Variants in GRIP1 observed in about 807,000 individuals in gnomAD.
The protein encoded by GRIP1 is glutamate receptor-interacting protein 1.
Under a neutral mutation model 129.9 loss-of-function variants are expected in GRIP1, and 45 were observed. That is an observed-to-expected ratio of 0.35 (90% CI 0.27 to 0.44). The LOEUF (loss-of-function observed/expected upper bound fraction) is 0.44. Among genes scored for constraint, GRIP1 ranks in the 20% least tolerant of loss-of-function variants. GRIP1 has a pLI of 1.00. For missense variants in GRIP1, 1,196 were observed against 1,396.8 expected, an observed-to-expected ratio of 0.86 and a Z score of 2.29; for synonymous variants, 530 against 520.8, an observed-to-expected ratio of 1.02 and a Z score of -0.24.
chr12:66,601,497 A>C (rs775179394), intron 1 of GRIP1, among the ~76,000 whole-genome samples: 14 of 152,158 alleles, frequency 9.2e-5, no homozygotes, highest in Non-Finnish European at 1.6e-4. Flanking sequence ...ACCCGATATG[A>C]ATATGGTTTC....
intron 1 of GRIP1, among the ~76,000 whole-genome samples, chr12:67,002,535 G>A (rs1216465213): frequency 3.3e-5 from 5 of 152,098 alleles, no homozygotes; most frequent in African/African-American, 1.2e-4. Flanking sequence ...TTTTCCACAA[G>A]GCAATTCATA....
intron 1 of GRIP1, among the ~76,000 whole-genome samples, chr12:66,815,322 C>T (rs989232558): frequency 9.2e-5 from 14 of 152,094 alleles, no homozygotes; most frequent in Non-Finnish European, 1.9e-4. Flanking sequence ...CCTCCAAAAC[C>T]TAGCTCAGGA....
rs59443918 is a variant in GRIP1, at chr12:66,528,134, G to GTTTTTTTT, written c.502+1689_502+1696dup. 9.1e-5 allele frequency among the ~76,000 whole-genome samples: 9 copies of GTTTTTTTT among 99,240 alleles called. 1 individual carries two copies. Among genetic ancestry groups the GTTTTTTTT allele is most frequent in the Admixed American group, 3.2e-4 (3 of 9,254 alleles). The allele number at this position is 99,240 out of a possible 152,430, so 65.1% of individuals were successfully genotyped here. ...TAGAATTATACTTTAGAATTAGTAG[G>GTTTTTTTT]TTTTTTTTTTTTTTTTTTGAGATGG... is the stretch of plus-strand genomic sequence containing the variant. On this transcript the variant is annotated intron_variant, in intron 5 of 24. Coordinates refer to ENST00000359742, the MANE Select transcript of GRIP1 (RefSeq NM_001366722.1).
rs1002005391 is a variant in GRIP1, at chr12:66,815,820, A to ATTTCTTTCTTTC, written c.59-218905_59-218894dup. ...GGGAGTGGCTTAAACAAGATGAAAG[A>ATTTCTTTCTTTC]TTTCTTTCTTTCTTTCTTTCTTTCT... On this transcript the variant is annotated intron_variant, in intron 1 of 1. Transcript: ENST00000643019. Among the ~76,000 whole-genome samples, 671 of 118,578 alleles carry ATTTCTTTCTTTC rather than the reference A, an allele frequency of 5.7e-3. 15 individuals are homozygous for ATTTCTTTCTTTC. Among genetic ancestry groups the ATTTCTTTCTTTC allele is most frequent in the African/African-American group, 0.024 (635 of 26,798 alleles). The allele number at this position is 118,578 out of a possible 152,430, so 77.8% of individuals were successfully genotyped here.
At chr12:66,884,796 G>T (rs1252280) in intron 1 of GRIP1, among the ~76,000 whole-genome samples, 137,607 of 152,126 alleles carry the variant, frequency 0.9, 63,890 homozygotes, top group East Asian at 1. Flanking sequence ...AGGTGTAGAA[G>T]AATATTTTGA....
At chr12:66,971,039 G>A (rs949922700) in intron 1 of GRIP1, among the ~76,000 whole-genome samples, 11 of 152,140 alleles carry the variant, frequency 7.2e-5, no homozygotes, top group Non-Finnish European at 5.9e-5. Flanking sequence ...ATCCATGTAC[G>A]TGTGAGACCC....
chr12:66,915,809 T>TA (rs1431090759), intron 1 of GRIP1, among the ~76,000 whole-genome samples: 4 of 152,206 alleles, frequency 2.6e-5, no homozygotes, highest in Admixed American at 2.0e-4. Flanking sequence ...GACACTGAGT[T>TA]AGACATTGGG....
intron 1 of GRIP1, among the ~76,000 whole-genome samples, chr12:67,042,844 G>A (rs1051983162): frequency 6.6e-6 from 1 of 152,190 alleles, no homozygotes; most frequent in Non-Finnish European, 1.5e-5. Context: ...ACAGAGTTAA[G>A]CACAAGGATT....
intron 1 of GRIP1, among the ~76,000 whole-genome samples, chr12:66,782,490 T>A (rs1478372882): frequency 1.3e-5 from 2 of 152,178 alleles, no homozygotes; most frequent in African/African-American, 4.8e-5. Flanking sequence ...ACTGAAATAA[T>A]TAACTACCAA....
Position 66,979,253 on chromosome 12 carries a change from A to AAAAC in GRIP1, c.58+89796_58+89797insGTTT, listed in dbSNP as rs1566104110. 3.0e-5 allele frequency among the ~76,000 whole-genome samples: 4 copies of AAAAC among 134,824 alleles called. No homozygotes were observed. The East Asian group carries it at 7.9e-4, about 27-fold the overall frequency. The allele number at this position is 134,824 out of a possible 152,430, so 88.4% of individuals were successfully genotyped here. A position where few individuals can be genotyped will look rare whatever the true frequency, so the allele number is the denominator to read the frequency against. On this transcript the variant is annotated intron_variant, in intron 1 of 1. Transcript: ENST00000643019. ...AAAAAAAAAAAAAAAAAAAAAAAAA[A>AAAAC]ACAAGCCCGTCATCCTGCAAGTACC...
chr12:67,062,705 G>A (rs79203737), intron 1 of GRIP1, among the ~76,000 whole-genome samples: 18,216 of 152,072 alleles, frequency 0.12, 1,474 homozygotes, highest in Admixed American at 0.17. Context: ...TCCCATCATG[G>A]CACTTTGGCA....
chr12:66,884,323 G>C (rs1412363153), intron 1 of GRIP1, among the ~76,000 whole-genome samples: 2 of 11,006 alleles, frequency 1.8e-4, no homozygotes, highest in African/African-American at 2.0e-4. Flanking sequence ...TTGAGAAATT[G>C]CCCTCTCCAG....
intron 1 of GRIP1, among the ~76,000 whole-genome samples, chr12:66,836,145 C>T (rs1384650518): frequency 6.6e-6 from 1 of 151,926 alleles, no homozygotes; most frequent in Admixed American, 6.6e-5. Context: ...ATTGTTTTAC[C>T]CTCCTGCTGT....
At chr12:66,664,219 C>A (rs1234901229) in intron 1 of GRIP1, among the ~76,000 whole-genome samples, 3 of 152,086 alleles carry the variant, frequency 2.0e-5, no homozygotes, top group Non-Finnish European at 2.9e-5. Context: ...AAACACTGAG[C>A]TAGAGCTCCA....
intron 1 of GRIP1, among the ~76,000 whole-genome samples, chr12:67,045,305 GAGAC>G (rs1046857903): frequency 1.3e-5 from 2 of 152,194 alleles, no homozygotes; most frequent in African/African-American, 4.8e-5. Context: ...GGGAGACACA[GAGAC>G]AGAGAGAAAT....
intron 23 of GRIP1, 36 bp from the exon 24 acceptor site, chr12:66,353,599 G>A: frequency 6.2e-7 from 1 of 1,602,302 alleles, no homozygotes; most frequent in Non-Finnish European, 8.6e-7. Context: ...TATTTAGCTG[G>A]GGTGGAGACT....
At chr12:66,966,701 G>A (rs1377010242) in intron 1 of GRIP1, among the ~76,000 whole-genome samples, 3 of 152,102 alleles carry the variant, frequency 2.0e-5, no homozygotes, top group African/African-American at 7.2e-5. Flanking sequence ...TTTGTCTGAC[G>A]TTTTTCTCAT....
intron 15 of GRIP1, among the ~76,000 whole-genome samples, chr12:66,408,243 CCGAGGT>C (rs2057266683): frequency 6.6e-6 from 1 of 152,110 alleles, no homozygotes; most frequent in Non-Finnish European, 1.5e-5. Context: ...CTTTGGGAGG[CCGAGGT>C]GGGTGGATCA....
chr12:66,704,555 T>A (rs1052878131), intron 1 of GRIP1, among the ~76,000 whole-genome samples: 11 of 152,026 alleles, frequency 7.2e-5, no homozygotes, highest in African/African-American at 2.7e-4. Flanking sequence ...AATCACAGAA[T>A]TGTGAAACAG....
Sources: allele counts gnomAD v4.1 joint callset (sites outside exome capture counted in the v4.1 genomes callset), GRCh38; gene constraint gnomAD v4.1.1; transcripts MANE v1.5; gene names NCBI Gene and HGNC (gene_info 2026-07-23, HGNC 2026-07-21).